MACROD2: variants seen among roughly 807,000 people sequenced by gnomAD.
MACROD2 encodes the protein ADP-ribose glycohydrolase MACROD2.
Under a neutral mutation model 70.4 loss-of-function variants are expected in MACROD2, and 36 were observed. The ratio of observed to expected loss-of-function variants is 0.51; its 90% confidence interval spans 0.39 to 0.68. MACROD2 has a LOEUF of 0.68. MACROD2 is among the 30% of genes least tolerant of loss of function. The pLI is 0.00. For missense variants in MACROD2, 496 were observed against 538.4 expected (o/e 0.92, Z 0.78); for synonymous variants, 172 against 178.8 (o/e 0.96, Z 0.30).
intron 3 of MACROD2, among the ~76,000 whole-genome samples, chr20:14,378,949 G>A (rs2083397510): frequency 6.6e-6 from 1 of 152,118 alleles, no homozygotes. Context: ...GCAGGTTGTT[G>A]TTCTTCAGTG....
chr20:14,852,612 T>C (rs1488743231), intron 5 of MACROD2, among the ~76,000 whole-genome samples: 1 of 152,104 alleles, frequency 6.6e-6, no homozygotes, highest in Non-Finnish European at 1.5e-5. Flanking sequence ...GACAGAGCTT[T>C]TGTTCTGAGG....
intron 5 of MACROD2, among the ~76,000 whole-genome samples, chr20:14,765,020 A>G (rs1435677191): frequency 6.6e-6 from 1 of 152,078 alleles, no homozygotes; most frequent in East Asian, 1.9e-4. Flanking sequence ...CTGCCTTACC[A>G]GCTGAACCGG....
At chr20:15,401,536 C>A (rs2045930647) in intron 6 of MACROD2, among the ~76,000 whole-genome samples, 1 of 152,140 alleles carries the variant, frequency 6.6e-6, no homozygotes, top group African/African-American at 2.4e-5. Flanking sequence ...ATTACAGAAC[C>A]ACACTTTGCT....
chr20:15,284,900 T>C (rs936177032), intron 6 of MACROD2, among the ~76,000 whole-genome samples: 3 of 152,232 alleles, frequency 2.0e-5, no homozygotes, highest in Admixed American at 2.0e-4. Context: ...GTTTAATAAA[T>C]GATAGTTATT....
intron 8 of MACROD2, among the ~76,000 whole-genome samples, chr20:15,724,292 A>G (rs1007437636): frequency 6.6e-6 from 1 of 152,146 alleles, no homozygotes; most frequent in Non-Finnish European, 1.5e-5. Flanking sequence ...TAGCTTATCA[A>G]TTACTTATTT....
At chr20:14,631,426 A>C (rs978884682) in intron 4 of MACROD2, among the ~76,000 whole-genome samples, 3 of 152,166 alleles carry the variant, frequency 2.0e-5, no homozygotes, top group African/African-American at 7.2e-5. Context: ...TTCTGGAATG[A>C]GATGTTGCCC....
chr20:14,946,995 G>A (rs2074438019), intron 5 of MACROD2, among the ~76,000 whole-genome samples: 2 of 152,082 alleles, frequency 1.3e-5, no homozygotes, highest in Admixed American at 6.6e-5. Flanking sequence ...ATTTATTTGG[G>A]CAACTCCAAA....
intron 15 of MACROD2, among the ~76,000 whole-genome samples, chr20:16,003,832 G>A (rs1364306227): frequency 1.3e-5 from 2 of 152,160 alleles, no homozygotes; most frequent in Middle Eastern, 3.4e-3. Context: ...CACCACGCCC[G>A]GCTAATTTTT....
intron 4 of MACROD2, among the ~76,000 whole-genome samples, chr20:14,536,958 C>A (rs906436379): frequency 6.6e-6 from 1 of 152,078 alleles, no homozygotes; most frequent in African/African-American, 2.4e-5. Flanking sequence ...TTTAATGCAT[C>A]TTTATTATGC....
chr20:15,836,192 G>A (rs910475272), intron 8 of MACROD2, among the ~76,000 whole-genome samples: 3 of 152,154 alleles, frequency 2.0e-5, no homozygotes, highest in African/African-American at 7.2e-5. Context: ...CCTTTTGATA[G>A]TACTCTGGAG....
intron 3 of MACROD2, among the ~76,000 whole-genome samples, chr20:14,168,476 A>C (rs2081190435): frequency 6.6e-6 from 1 of 152,170 alleles, no homozygotes; most frequent in Admixed American, 6.5e-5. Context: ...ATTTCCCCTT[A>C]CATACCCCTA....
chr20:14,471,306 T>C (rs996139927), intron 3 of MACROD2, among the ~76,000 whole-genome samples: 1 of 152,190 alleles, frequency 6.6e-6, no homozygotes, highest in Non-Finnish European at 1.5e-5. Context: ...TTGGAAATGC[T>C]GAAATCACCC....
intron 10 of MACROD2, among the ~76,000 whole-genome samples, chr20:15,905,334 A>T (rs998554939): frequency 5.9e-5 from 9 of 152,232 alleles, no homozygotes; most frequent in Non-Finnish European, 1.3e-4. Context: ...AAAGGAAAAG[A>T]TCAGTTTATC....
At chr20:15,492,046 G>A (rs751733) in intron 7 of MACROD2, among the ~76,000 whole-genome samples, 1,586 of 152,362 alleles carry the variant, frequency 0.01, 34 homozygotes, top group African/African-American at 0.036. Flanking sequence ...GGCGAAGCCA[G>A]TGACACCTTT....
intron 3 of MACROD2, among the ~76,000 whole-genome samples, chr20:14,338,018 G>A (rs547625994): frequency 6.6e-6 from 1 of 152,250 alleles, no homozygotes; most frequent in East Asian, 1.9e-4. Context: ...TTATTCACTA[G>A]CTAAAATAAT....
rs1452496669 is a variant in MACROD2 at position 14,838,458 on chromosome 20, G to T, written c.418+153499G>T. Among the ~76,000 whole-genome samples the T allele has an allele frequency of 3.3e-5, 5 of 152,020 alleles. 1 individual carries two copies. The highest frequency in any genetic ancestry group is 7.4e-5 in the Non-Finnish European group (5 of 67,982). ...ATCTTGTGTTAGTTGACTAATTCTTGTCCTCATTATTAATGTTCTGCAGCA... is the reference window on the plus strand; with the variant it reads ...ATCTTGTGTTAGTTGACTAATTCTTTTCCTCATTATTAATGTTCTGCAGCA... On this transcript the variant is annotated intron_variant, in intron 5 of 17. Transcript: ENST00000684519.
intron 12 of MACROD2, among the ~76,000 whole-genome samples, chr20:15,952,609 C>T (rs558968124): frequency 2.6e-5 from 4 of 152,220 alleles, no homozygotes; most frequent in Admixed American, 1.3e-4. Flanking sequence ...CTTACCCTTT[C>T]GCACGTACAT....
intron 17 of MACROD2, among the ~76,000 whole-genome samples, chr20:16,046,243 C>T (rs2067379350): frequency 6.6e-6 from 1 of 152,034 alleles, no homozygotes; most frequent in Non-Finnish European, 1.5e-5. Context: ...TCCTATAAAA[C>T]TAAATGTAAT....
At chr20:14,099,814 A>G (rs2054274679) in intron 3 of MACROD2, among the ~76,000 whole-genome samples, 1 of 152,164 alleles carries the variant, frequency 6.6e-6, no homozygotes, top group African/African-American at 2.4e-5. Context: ...GATCCTTGTC[A>G]ACATTTATTT....
Sources: allele counts gnomAD v4.1 joint callset (sites outside exome capture counted in the v4.1 genomes callset), GRCh38; gene constraint gnomAD v4.1.1; transcripts MANE v1.5; gene names NCBI Gene and HGNC (gene_info 2026-07-23, HGNC 2026-07-21).